Variants in SPATA22 observed in about 807,000 individuals in gnomAD.
SPATA22 encodes the protein spermatogenesis associated 22.
SPATA22 carries 29 observed loss-of-function variants against 47.8 expected under a neutral mutation model. That is an observed-to-expected ratio of 0.61 (90% CI 0.45 to 0.83). The LOEUF (loss-of-function observed/expected upper bound fraction) is 0.83, where lower values mean the gene tolerates loss of function less well. Ranked by LOEUF, SPATA22 falls within the 40% of genes least tolerant of loss-of-function variation. The pLI is 0.00. For missense variants in SPATA22, 410 were observed against 421.7 expected, an observed-to-expected ratio of 0.97 and a Z score of 0.24; for synonymous variants, 133 against 140.9, an observed-to-expected ratio of 0.94 and a Z score of 0.40.
At position 3,477,920 on chromosome 17, in the gene SPATA22, C is replaced by T. The variant is rs143968434; in HGVS notation, c.-73-8522G>A. ...ATACATGGCCGGGCACAGTGGCTCA[C>T]ACCTGTAATCCCAACACTTTGGGAG... On this transcript the variant is annotated intron_variant, in intron 1 of 8. Coordinates refer to the SPATA22 transcript ENST00000541913. Among the ~76,000 whole-genome samples the T allele has an allele frequency of 8.3e-3, 1,259 of 151,986 alleles. 33 individuals are homozygous for T. The highest frequency in any genetic ancestry group is 0.055 in the Admixed American group (837 of 15,262).
intron 1 of SPATA22, among the ~76,000 whole-genome samples, chr17:3,489,871 C>T (rs538325827): frequency 2.0e-5 from 3 of 152,190 alleles, no homozygotes; most frequent in African/African-American, 4.8e-5. Context: ...CAAAGAAACA[C>T]AAGCACAAGC....
intron 5 of SPATA22, 35 bp from the exon 6 acceptor site, chr17:3,449,184 T>C: frequency 1.4e-6 from 2 of 1,422,994 alleles, no homozygotes; most frequent in South Asian, 1.4e-5. Context: ...TTTGTTTCTA[T>C]ATGGTTTCTT....
At chr17:3,491,203 T>C (rs781780920) in intron 1 of SPATA22, among the ~76,000 whole-genome samples, 3 of 152,230 alleles carry the variant, frequency 2.0e-5, no homozygotes, top group Admixed American at 6.5e-5. Context: ...ATCCAAGAAG[T>C]CCTGACAATC....
chr17:3,462,415 G>A, intron 5 of SPATA22, 68 bp downstream of exon 5: 1 of 1,075,616 alleles, frequency 9.3e-7, no homozygotes, highest in Non-Finnish European at 1.4e-6. Context: ...AAGGAGGAGG[G>A]AAGAATGAAG....
intron 3 of SPATA22, among the ~76,000 whole-genome samples, chr17:3,464,695 G>A (rs1474655383): frequency 6.7e-5 from 10 of 149,476 alleles, no homozygotes; most frequent in Admixed American, 1.3e-4. Flanking sequence ...GGTGAGGAGC[G>A]TCTCTGCCCA....
At chr17:3,448,729 A>T in intron 6 of SPATA22, 78 bp downstream of exon 6, 1 of 1,053,598 alleles carries the variant, frequency 9.5e-7, no homozygotes, top group Non-Finnish European at 1.3e-6. Flanking sequence ...AGGCGCTCTT[A>T]TCTCTGTAGT....
At position 3,480,455 on chromosome 17, in the gene SPATA22, C is replaced by T. The variant is rs114038273; in HGVS notation, c.-73-11057G>A. ...ATAGGGAGTTGGAGCTGTCCTCTTG[C>T]GCTGAATCAGTTCCTACGTGGGGAC... On this transcript the variant is annotated intron_variant, in intron 1 of 8. Coordinates refer to the SPATA22 transcript ENST00000541913. Among the ~76,000 whole-genome samples the T allele has an allele frequency of 3.7e-3, 559 of 152,288 alleles. 6 individuals carry two copies. Among genetic ancestry groups the T allele is most frequent in the African/African-American group, 0.012 (503 of 41,564 alleles).
chr17:3,503,005 T>A (rs1188752896), intron 1 of SPATA22: 1 of 152,222 alleles, frequency 6.6e-6, no homozygotes, highest in Admixed American at 6.5e-5. Flanking sequence ...CCAAACCCCT[T>A]GCCTCCCATG....
chr17:3,500,372 C>G (rs2073975055), intron 1 of SPATA22: 1 of 152,314 alleles, frequency 6.6e-6, no homozygotes, highest in Non-Finnish European at 1.5e-5. Context: ...ACTTTCCTAG[C>G]TAGAGGGGAG....
intron 5 of SPATA22, among the ~76,000 whole-genome samples, 156 bp downstream of exon 5, chr17:3,462,327 A>G (rs2073140757): frequency 6.6e-6 from 1 of 152,256 alleles, no homozygotes; most frequent in South Asian, 2.1e-4. Context: ...GCTCTTTCAT[A>G]AAACATAATT....
At chr17:3,480,970 A>T (rs1449213464) in intron 1 of SPATA22, among the ~76,000 whole-genome samples, 2 of 152,186 alleles carry the variant, frequency 1.3e-5, no homozygotes, top group Non-Finnish European at 2.9e-5. Context: ...AGATAAGAAG[A>T]TTAGCTGGGC....
chr17:3,455,102 T>C (rs1046652164), intron 5 of SPATA22, among the ~76,000 whole-genome samples: 42 of 152,168 alleles, frequency 2.8e-4, no homozygotes, highest in Non-Finnish European at 5.3e-4. Context: ...TGTCTTCTTT[T>C]AAGAAGTGTC....
chr17:3,480,489 C>T (rs1370624503), intron 1 of SPATA22, among the ~76,000 whole-genome samples: 1 of 152,122 alleles, frequency 6.6e-6, no homozygotes, highest in Non-Finnish European at 1.5e-5. Context: ...ACCACGAGAC[C>T]AGATAAGCCA....
chr17:3,454,282 TTTTA>T lies in SPATA22; in HGVS notation c.330-5137_330-5134del, dbSNP rs576548450. 7.8e-3 allele frequency among the ~76,000 whole-genome samples: 1,182 copies of T among 151,214 alleles called. 6 individuals are homozygous for T. The highest frequency in any genetic ancestry group is 0.014 in the Middle Eastern group (4 of 292). On this transcript the variant is annotated intron_variant, in intron 5 of 8. Coordinates refer to ENST00000572969, the MANE Select transcript of SPATA22 (RefSeq NM_001170698.2). ...TTTGAAGAATTGATATTGTTTTTTG[TTTTA>T]TTTATTTATTTATTTTTATTATTAT...
At chr17:3,504,544 ATTTTC>A (rs1289950967) in intron 1 of SPATA22, among the ~76,000 whole-genome samples, 2 of 131,426 alleles carry the variant, frequency 1.5e-5, no homozygotes, top group African/African-American at 5.6e-5. Context: ...AAAAAAGGAA[ATTTTC>A]TTTTCTTTTT....
chr17:3,475,620 G>GT (rs1339446706), upstream of SPATA22: 4 of 159,350 alleles, frequency 2.5e-5, no homozygotes. Context: ...GCCTTTGGCT[G>GT]TTTATAGAGG....
intron 7 of SPATA22, among the ~76,000 whole-genome samples, chr17:3,444,012 GA>G (rs758816955): frequency 2.0e-5 from 3 of 151,814 alleles, no homozygotes; most frequent in Non-Finnish European, 2.9e-5. Flanking sequence ...TGTACCCTTT[GA>G]CCTACATCTC....
chr17:3,488,446 C>G lies in SPATA22; in HGVS notation c.-73-19048G>C, dbSNP rs2073765311. Among the ~76,000 whole-genome samples, 1 of 152,152 alleles carries G rather than the reference C, an allele frequency of 6.6e-6. No individual in the cohort carries two copies. Among genetic ancestry groups the G allele is most frequent in the Admixed American group, 6.6e-5 (1 of 15,266 alleles). On this transcript the variant is annotated intron_variant, in intron 1 of 8. Transcript: ENST00000541913. This position sits in a 1 kb window ranked among gnomAD's most constrained non-coding sequence, Gnocchi z 6.1. ...CCGAGAAGGGCAGATTACCTGCGGT[C>G]AGGAGTTTGAGACCAGCCTGACCAA...
chr17:3,498,554 C>G (rs2073946461), intron 1 of SPATA22, among the ~76,000 whole-genome samples: 1 of 152,016 alleles, frequency 6.6e-6, no homozygotes, highest in Non-Finnish European at 1.5e-5. Context: ...TCTGTGTTGC[C>G]CAGGCTGGTT....
Sources: gnomAD v4.1 joint callset for allele counts (sites outside exome capture counted in the v4.1 genomes callset) on GRCh38, gnomAD v4.1.1 for gene constraint, Gnocchi (gnomAD v3.1) non-coding constraint, MANE v1.5 for transcripts, NCBI Gene and HGNC (gene_info 2026-07-23, HGNC 2026-07-21) for gene names.